The following LRP2 variants were observed in gnomAD, a reference collection of about 807,000 sequenced individuals.
LRP2 encodes LDL receptor related protein 2.
In LRP2, 172 loss-of-function variants were observed where a neutral mutation model predicts 531.0. That is an observed-to-expected ratio of 0.32 (90% CI 0.29 to 0.37). The LOEUF (loss-of-function observed/expected upper bound fraction) is 0.37. Among genes scored for constraint, LRP2 ranks in the 10% least tolerant of loss-of-function variants. The pLI, the probability that LRP2 is intolerant of heterozygous loss-of-function variation, is 1.00. For missense variants in LRP2, 5,167 were observed against 5,868.3 expected, an observed-to-expected ratio of 0.88 and a Z score of 3.90; for synonymous variants, 1,992 against 2,027.6, an observed-to-expected ratio of 0.98 and a Z score of 0.47.
intron 3 of LRP2, among the ~76,000 whole-genome samples, chr2:169,310,581 T>C (rs1369484397): frequency 6.6e-6 from 1 of 152,242 alleles, no homozygotes; most frequent in Non-Finnish European, 1.5e-5. Flanking sequence ...AACTTTTTGA[T>C]GTGCTGCTGG....
chr2:169,339,075 T>C (rs1685495345), intron 1 of LRP2, among the ~76,000 whole-genome samples: 1 of 151,348 alleles, frequency 6.6e-6, no homozygotes, highest in South Asian at 2.1e-4. Flanking sequence ...TCCTTTAAAC[T>C]CCAAATATTG....
intron 20 of LRP2, 107 bp from the exon 21 acceptor site, chr2:169,247,093 C>A: frequency 5.3e-6 from 7 of 1,315,594 alleles, no homozygotes; most frequent in Middle Eastern, 5.1e-4. Flanking sequence ...TTTTCAGACC[C>A]AATACTAAAA....
chr2:169,201,878 C>T lies in LRP2; in HGVS notation c.8210-8G>A, dbSNP rs770958050. ...GTGAGCAGGTGTGAAGTGCTAAGAA[C>T]AGGAAAAACATGAGAACAAACCCTC... is the stretch of plus-strand genomic sequence containing the variant. On this transcript the variant is annotated splice_region_variant and splice_polypyrimidine_tract_variant and intron_variant, in intron 43 of 78. Transcript: ENST00000649046. 1 of 1,613,966 alleles carries T rather than the reference C, an allele frequency of 6.2e-7. No individual in the cohort carries two copies. The highest frequency in any genetic ancestry group is 1.1e-5 in the South Asian group (1 of 91,074).
In LRP2 at chr2:169,206,177, C is replaced by G; in HGVS notation, c.7402G>C (p.Ala2468Pro). The G allele has an allele frequency of 1.2e-6, 2 of 1,614,212 alleles. No individual in the cohort carries two copies. The highest frequency in any genetic ancestry group is 1.6e-4 in the Middle Eastern group (1 of 6,062). Residue 2468 changes from alanine to proline, a missense_variant, in exon 40 of 79, where the codon GCT becomes CCT. Physicochemically the swap from Ala to Pro is conservative, Grantham distance 27. Coordinates refer to ENST00000649046, the MANE Select transcript of LRP2 (RefSeq NM_004525.3). ...ATCCAGTCAAAGGCAATGCCATCAG[C>G]AGTCCCTATACCTGGACACATACAG... ...PTVIASGIGT[A>P]DGIAFDWITR...
intron 1 of LRP2, among the ~76,000 whole-genome samples, chr2:169,348,052 G>A (rs1685741274): frequency 6.6e-6 from 1 of 152,178 alleles, no homozygotes; most frequent in South Asian, 2.1e-4. Flanking sequence ...CTGCCACTTA[G>A]TAACTGAATT....
rs761112601 is a variant in LRP2 at position 169,175,338 on chromosome 2, G to A, written c.10623C>T (p.Gly3541=). The change falls in exon 55 of 79, where the codon GGC becomes GGT. Residue 3541 remains glycine (G), a synonymous_variant. Coordinates refer to ENST00000649046, the MANE Select transcript of LRP2 (RefSeq NM_004525.3). Reference sequence around the variant, plus strand: ...GCGGGCAAAGGGCCAGTTCATCAGAGCCATCTGAGCAGTCTTTCTGTCCAT... The same window carrying A: ...GCGGGCAAAGGGCCAGTTCATCAGAACCATCTGAGCAGTCTTTCTGTCCAT... ...KCDGQKDCSD[G]SDELALCPQR... is the part of the protein sequence containing the mutation. 57 of 1,614,062 alleles carry A rather than the reference G, an allele frequency of 3.5e-5. No individual in the cohort carries two copies. Among genetic ancestry groups the A allele is most frequent in the Non-Finnish European group, 4.3e-5 (51 of 1,180,038 alleles).
intron 35 of LRP2, 112 bp from the exon 36 acceptor site, chr2:169,213,982 C>A: frequency 1.3e-6 from 1 of 751,068 alleles, no homozygotes; most frequent in South Asian, 1.5e-5. Context: ...GCCCTCTATC[C>A]CTTACAGAGA....
intron 4 of LRP2, among the ~76,000 whole-genome samples, chr2:169,301,402 TAA>T (rs5836230): frequency 3.3e-4 from 47 of 143,828 alleles, no homozygotes; most frequent in Middle Eastern, 3.7e-3. Flanking sequence ...CTCTGTTCCT[TAA>T]AAAAAAAAAA....
intron 35 of LRP2, among the ~76,000 whole-genome samples, chr2:169,214,589 T>C (rs114989516): frequency 0.018 from 2,695 of 152,232 alleles, 83 homozygotes; most frequent in African/African-American, 0.059. Context: ...AGCCCAGCAG[T>C]TACAAGAGTG....
At chr2:169,168,419 T>A (rs1281739700) in intron 61 of LRP2, 120 bp downstream of exon 61, 18 of 1,230,556 alleles carry the variant, frequency 1.5e-5, no homozygotes, top group Non-Finnish European at 2.1e-5. Flanking sequence ...CCAACGCTGA[T>A]CCTGTGTCCA....
intron 1 of LRP2, among the ~76,000 whole-genome samples, chr2:169,348,789 C>G (rs751607757): frequency 1.4e-4 from 21 of 152,144 alleles, no homozygotes; most frequent in Non-Finnish European, 2.4e-4. Context: ...CATTGGGAAT[C>G]ACCAGCAGGG....
At chr2:169,355,069 G>T (rs531995854) in intron 1 of LRP2, among the ~76,000 whole-genome samples, 1 of 152,134 alleles carries the variant, frequency 6.6e-6, no homozygotes, top group Admixed American at 6.6e-5. Flanking sequence ...TAGTCTGATC[G>T]CTCAGCTCAT....
At position 169,216,491 on chromosome 2, in the gene LRP2, T is replaced by C. The variant is rs886640661; in HGVS notation, c.5649-61A>G. Reference sequence around the variant, plus strand: ...AGAAGGTGGATTTGAGTCAGTGACATAAATGACAATGTGTATTACTTGTCC... The same window carrying C: ...AGAAGGTGGATTTGAGTCAGTGACACAAATGACAATGTGTATTACTTGTCC... On this transcript the variant is annotated intron_variant, in intron 34 of 78. Coordinates refer to ENST00000649046, the MANE Select transcript of LRP2 (RefSeq NM_004525.3). 2.8e-5 allele frequency: 42 copies of C among 1,509,734 alleles called. 1 individual carries two copies. The South Asian group carries it at 4.6e-4, about 17-fold the overall frequency. The allele number at this position is 1,509,734 out of a possible 1,614,324, so 93.5% of individuals were successfully genotyped here.
chr2:169,292,738 G>A (rs1056103880), intron 6 of LRP2, among the ~76,000 whole-genome samples: 7 of 151,454 alleles, frequency 4.6e-5, no homozygotes, highest in Non-Finnish European at 1.0e-4. Context: ...TGAGGTGGGA[G>A]GATGGCATGA....
At chr2:169,248,935 G>A (rs1461689682) in intron 19 of LRP2, among the ~76,000 whole-genome samples, 1 of 55,342 alleles carries the variant, frequency 1.8e-5, no homozygotes, top group Non-Finnish European at 3.5e-5. Context: ...ACCGGCTTAA[G>A]AAACGGCGCA....
intron 31 of LRP2, among the ~76,000 whole-genome samples, chr2:169,229,790 G>A (rs1283148986): frequency 6.6e-6 from 1 of 152,070 alleles, no homozygotes; most frequent in East Asian, 1.9e-4. Context: ...CCAATATTGT[G>A]CAATATCTGC....
At chr2:169,327,023 C>T (rs1217772228) in intron 1 of LRP2, among the ~76,000 whole-genome samples, 34 of 151,696 alleles carry the variant, frequency 2.2e-4, no homozygotes, top group African/African-American at 8.2e-4. Context: ...CGCCCGGCAG[C>T]CACCCCGTCT....
At chr2:169,184,472 T>G (rs115007470) in intron 50 of LRP2, among the ~76,000 whole-genome samples, 1 of 152,320 alleles carries the variant, frequency 6.6e-6, no homozygotes, top group African/African-American at 2.4e-5. Context: ...CTGGGCTGAC[T>G]GCAACAAGAA....
At chr2:169,200,064 C>G (rs1472014417) in intron 44 of LRP2, among the ~76,000 whole-genome samples, 1 of 152,118 alleles carries the variant, frequency 6.6e-6, no homozygotes, top group Non-Finnish European at 1.5e-5. Context: ...TCCTGGCTAA[C>G]ATGGTGAAAC....
Sources: allele counts gnomAD v4.1 joint callset (sites outside exome capture counted in the v4.1 genomes callset), GRCh38; gene constraint gnomAD v4.1.1; transcripts MANE v1.5; gene names NCBI Gene and HGNC (gene_info 2026-07-23, HGNC 2026-07-21).